The following CD200R1 variants were observed in gnomAD, a reference collection of about 807,000 sequenced individuals.
The protein encoded by CD200R1 is CD200 receptor 1.
CD200R1 carries 30 observed loss-of-function variants against 38.1 expected under a neutral mutation model. The observed-to-expected ratio is 0.79, with a 90% CI of 0.59 to 1.07. The LOEUF (loss-of-function observed/expected upper bound fraction) is 1.07. CD200R1 is among the 50% of genes least tolerant of loss of function. The probability of loss-of-function intolerance (pLI) is 0.00; values close to 1 mark genes in which losing one functional copy is unlikely to be tolerated. For synonymous variants in CD200R1, 128 were observed against 152.1 expected (o/e 0.84, Z 1.16); for missense variants, 372 against 415.4 (o/e 0.90, Z 0.91).
chr3:112,951,993 A>G (rs1416819092), intron 1 of CD200R1, among the ~76,000 whole-genome samples: 3 of 151,688 alleles, frequency 2.0e-5, no homozygotes, highest in Non-Finnish European at 4.4e-5. Flanking sequence ...TCTAAAATTT[A>G]TATATGAATG....
chr3:112,923,727 C>T lies in CD200R1; in HGVS notation c.997G>A (p.Ala333Thr), dbSNP rs1940220639. The T allele has an allele frequency of 3.7e-6, 6 of 1,608,512 alleles. No individual in the cohort carries two copies. The highest frequency in any genetic ancestry group is 5.1e-6 in the Non-Finnish European group (6 of 1,176,422). Residue 333 changes from alanine to threonine, a missense_variant, in exon 8 of 8, where the codon GCA becomes ACA. Ala to Thr is a moderately conservative substitution (Grantham distance 58). Transcript: ENST00000308611. Reference sequence around the variant, plus strand: ...ACTTCACTTTGTAATGCCTCAGATGCCTTCACCTTGTTTGTAGTATCATAG... The same window carrying T: ...ACTTCACTTTGTAATGCCTCAGATGTCTTCACCTTGTTTGTAGTATCATAG... ...PLYDTTNKVK[A>T]SEALQSEVDT...
chr3:112,944,686 C>G (rs77590999), intron 2 of CD200R1, among the ~76,000 whole-genome samples: 2 of 151,818 alleles, frequency 1.3e-5, no homozygotes, highest in Admixed American at 6.6e-5. Context: ...AGATCAGTAA[C>G]GAAGAAATAA....
chr3:112,952,648 AGG>A (rs1336976411), intron 1 of CD200R1, among the ~76,000 whole-genome samples: 1 of 150,762 alleles, frequency 6.6e-6, no homozygotes, highest in South Asian at 2.1e-4. Flanking sequence ...GGGTGGGAGG[AGG>A]GGGGAGGGAT....
At position 112,931,166 on chromosome 3, in the gene CD200R1, T is replaced by C; in HGVS notation, c.142A>G (p.Ser48Gly). 1.9e-6 allele frequency: 3 copies of C among 1,594,188 alleles called. No individual in the cohort carries two copies. Among genetic ancestry groups the C allele is most frequent in the Non-Finnish European group, 2.6e-6 (3 of 1,161,838 alleles). ...TSKENHALASSSLCMDEKQIT... is the reference protein window; with the variant it reads ...TSKENHALASGSLCMDEKQIT... Reference sequence around the variant, plus strand: ...TGTTTTTCATCCATACATAAACTGCTTGAAGCTAGAAAATATTTAGAGAAG... The same window carrying C: ...TGTTTTTCATCCATACATAAACTGCCTGAAGCTAGAAAATATTTAGAGAAG... The change falls in exon 3 of 8, where the codon AGC becomes GGC. Residue 48 changes from serine to glycine, a missense_variant. Transcript: ENST00000308611.
In CD200R1 at chr3:112,928,897, C is replaced by T; in HGVS notation, c.688G>A (p.Glu230Lys). The T allele has an allele frequency of 6.2e-7, 1 of 1,613,946 alleles. No homozygotes were observed. The highest frequency in any genetic ancestry group is 8.5e-7 in the Non-Finnish European group (1 of 1,179,984). The stretch of plus-strand genomic sequence containing the variant: ...GTCACGGTAGACACATTGTGGACCT[C>T]CCAGTGGCATGTACTCTTAACAGTC... The part of the protein sequence containing the change: ...TVTVKSTCHW[E>K]VHNVSTVTCH... The change falls in exon 5 of 8, where the codon GAG (glutamate) becomes AAG (lysine). Residue 230 changes from glutamate (E) to lysine (K), a missense_variant. Physicochemically the swap from Glu to Lys is moderately conservative, Grantham distance 56. Transcript: ENST00000308611.
intron 2 of CD200R1, among the ~76,000 whole-genome samples, chr3:112,942,306 C>T (rs1940745676): frequency 6.6e-6 from 1 of 151,194 alleles, no homozygotes; most frequent in Non-Finnish European, 1.5e-5. Context: ...AATAATGATA[C>T]AAGGAAAGGA....
chr3:112,932,123 C>G (rs773234455), intron 2 of CD200R1, among the ~76,000 whole-genome samples: 6 of 152,126 alleles, frequency 3.9e-5, no homozygotes, highest in African/African-American at 1.2e-4. Context: ...TGTACACCTG[C>G]TACCTCCCAC....
intron 2 of CD200R1, among the ~76,000 whole-genome samples, chr3:112,946,060 G>A (rs1247156789): frequency 8.0e-5 from 11 of 137,060 alleles, no homozygotes; most frequent in African/African-American, 1.4e-4. Context: ...AAAGGAGAAC[G>A]AAAAGATAAG....
At chr3:112,936,914 T>C (rs1474610533) in intron 2 of CD200R1, among the ~76,000 whole-genome samples, 1 of 152,206 alleles carries the variant, frequency 6.6e-6, no homozygotes, top group African/African-American at 2.4e-5. Flanking sequence ...ATTGTCTTGA[T>C]TTTCTTCTAG....
rs1381503367 is a variant in CD200R1, at chr3:112,923,035, A to G, written c.*642T>C. 6.6e-6 allele frequency: 1 copy of G among 151,884 alleles called. No individual in the cohort carries two copies. The highest frequency in any genetic ancestry group is 6.6e-5 in the Admixed American group (1 of 15,216). 9.4% of individuals were successfully genotyped at this position (151,884 alleles called of 1,614,324 possible). A position where few individuals can be genotyped will look rare whatever the true frequency, so the allele number is the denominator to read the frequency against. ...CACAAACAAAACTTAAAAGAAATAAACAAAACTTAAAAGAATCTAAATATC... is the reference window on the plus strand; with the variant it reads ...CACAAACAAAACTTAAAAGAAATAAGCAAAACTTAAAAGAATCTAAATATC... On this transcript the variant is annotated 3_prime_UTR_variant, in exon 8 of 8. Coordinates refer to ENST00000308611, the MANE Select transcript of CD200R1 (RefSeq NM_138806.4).
intron 1 of CD200R1, among the ~76,000 whole-genome samples, chr3:112,955,032 G>T (rs897232807): frequency 3.3e-5 from 5 of 152,142 alleles, no homozygotes; most frequent in African/African-American, 1.2e-4. Context: ...TCATTGTTTG[G>T]TGTGTAGAAA....
chr3:112,969,649 A>C (rs6438122), intron 1 of CD200R1, among the ~76,000 whole-genome samples: 93,269 of 151,894 alleles, frequency 0.61, 29,174 homozygotes, highest in African/African-American at 0.74. Flanking sequence ...TTATAAAGGA[A>C]CAGCCATTTT....
intron 3 of CD200R1, 38 bp from the exon 4 acceptor site, chr3:112,929,545 TA>T (rs1940376255): frequency 6.5e-7 from 1 of 1,536,562 alleles, no homozygotes; most frequent in East Asian, 2.2e-5. Flanking sequence ...AAAAGCTTGA[TA>T]AAGAACTTCA....
In CD200R1 at chr3:112,931,291, TA is replaced by T. The variant is rs1376024716; in HGVS notation, c.137-121del. The T allele has an allele frequency of 5.1e-6, 3 of 589,696 alleles. No homozygotes were observed. In the African/African-American group the frequency reaches 5.5e-5, roughly 11 times the overall value. 36.5% of individuals were successfully genotyped at this position (589,696 alleles called of 1,614,324 possible). ...GCAATCAGTTAACCATAATTAAAAT[TA>T]CACAAAAATCATTGTAAAACAGAAA... On this transcript the variant is annotated intron_variant, in intron 2 of 7. Transcript: ENST00000308611.
chr3:112,923,607 G>GT lies in CD200R1; in HGVS notation c.*69dup, dbSNP rs1260059022. 1.2e-6 allele frequency: 1 copy of GT among 822,186 alleles called. No homozygotes were observed. The highest frequency in any genetic ancestry group is 2.0e-6 in the Non-Finnish European group (1 of 505,222). 50.9% of individuals were successfully genotyped at this position (822,186 alleles called of 1,614,324 possible). A position where few individuals can be genotyped will look rare whatever the true frequency, so the allele number is the denominator to read the frequency against. The stretch of plus-strand genomic sequence containing the variant: ...CAATATAAGTCTTCATTCTAGAACT[G>GT]TAAGAAAATCAGACAGTAATTATAA... On this transcript the variant is annotated 3_prime_UTR_variant, in exon 8 of 8. Transcript: ENST00000308611.
At chr3:112,944,124 G>C (rs1472005440) in intron 2 of CD200R1, among the ~76,000 whole-genome samples, 1 of 151,846 alleles carries the variant, frequency 6.6e-6, no homozygotes, top group Non-Finnish European at 1.5e-5. Flanking sequence ...CAGAGGGAAT[G>C]CTTCCTAACT....
chr3:112,928,510 A>G (rs1191814768), intron 5 of CD200R1, among the ~76,000 whole-genome samples: 1 of 152,206 alleles, frequency 6.6e-6, no homozygotes, highest in Admixed American at 6.5e-5. Context: ...ACATGCTTCA[A>G]AGTATACTTT....
chr3:112,923,601 A>G lies in CD200R1; in HGVS notation c.*76T>C. ...TAATTTCAATATAAGTCTTCATTCTAGAACTGTAAGAAAATCAGACAGTAA... is the reference window on the plus strand; with the variant it reads ...TAATTTCAATATAAGTCTTCATTCTGGAACTGTAAGAAAATCAGACAGTAA... On this transcript the variant is annotated 3_prime_UTR_variant, in exon 8 of 8. Coordinates refer to ENST00000308611, the MANE Select transcript of CD200R1 (RefSeq NM_138806.4). 3.9e-6 allele frequency: 3 copies of G among 776,396 alleles called. No individual in the cohort carries two copies. Among genetic ancestry groups the G allele is most frequent in the Non-Finnish European group, 6.4e-6 (3 of 469,622 alleles). The allele number at this position is 776,396 out of a possible 1,614,324, so 48.1% of individuals were successfully genotyped here.
At chr3:112,931,247 G>T in intron 2 of CD200R1, 76 bp from the exon 3 acceptor site, 1 of 865,460 alleles carries the variant, frequency 1.2e-6, no homozygotes, top group African/African-American at 1.7e-5. Flanking sequence ...CCTCCACAAA[G>T]TCTTATCCAA....
Sources: gnomAD v4.1 joint callset for allele counts (sites outside exome capture counted in the v4.1 genomes callset) on GRCh38, gnomAD v4.1.1 for gene constraint, MANE v1.5 for transcripts, NCBI Gene and HGNC (gene_info 2026-07-23, HGNC 2026-07-21) for gene names.